SHISA6: variants seen among roughly 807,000 people sequenced by gnomAD.
The protein encoded by SHISA6 is protein shisa-6.
A neutral mutation model predicts 47.9 loss-of-function variants in SHISA6; 22 were observed. The observed-to-expected ratio is 0.46, with a 90% CI of 0.33 to 0.66. The LOEUF is 0.66. Among genes scored for constraint, SHISA6 ranks in the 30% least tolerant of loss-of-function variants. The pLI is 0.02. For synonymous variants in SHISA6, 388 were observed against 337.8 expected, an observed-to-expected ratio of 1.15 and a Z score of -1.63; for missense variants, 680 against 764.6, an observed-to-expected ratio of 0.89 and a Z score of 1.30.
chr17:11,423,247 A>ATG (rs1914502301), intron 3 of SHISA6, among the ~76,000 whole-genome samples: 18 of 146,926 alleles, frequency 1.2e-4, no homozygotes, highest in African/African-American at 4.2e-4. Context: ...GTGTATATAT[A>ATG]TATATATAAT....
chr17:11,268,060 G>A (rs1567555272), intron 2 of SHISA6, among the ~76,000 whole-genome samples: 1 of 152,118 alleles, frequency 6.6e-6, no homozygotes, highest in Non-Finnish European at 1.5e-5. Flanking sequence ...GGGCCTCTGG[G>A]GAGAGTGGGG....
chr17:11,334,874 G>C (rs1377872340), intron 2 of SHISA6, among the ~76,000 whole-genome samples: 1 of 152,196 alleles, frequency 6.6e-6, no homozygotes, highest in Non-Finnish European at 1.5e-5. Context: ...TCCCACTGGA[G>C]GGTGTGTTAT....
intron 2 of SHISA6, among the ~76,000 whole-genome samples, chr17:11,327,921 GTC>G (rs111745061): frequency 0.21 from 30,710 of 149,030 alleles, 3,357 homozygotes; most frequent in African/African-American, 0.31. Flanking sequence ...CTCTCTCTCT[GTC>G]TCTCTCTCTC....
rs1164153921 is a variant in SHISA6, at chr17:11,561,022, TC to T, written c.*2719del. ...ACATTTCAAAATCCAGAAAACTATG[TC>T]ATAGCTGGGACAGAGAGGTATCCCA... On this transcript the variant is annotated 3_prime_UTR_variant, in exon 6 of 6. Transcript: ENST00000441885. 1 of 152,168 alleles carries T rather than the reference TC, an allele frequency of 6.6e-6. No individual in the cohort carries two copies. The highest frequency in any genetic ancestry group is 1.5e-5 in the Non-Finnish European group (1 of 68,044). 9.4% of individuals were successfully genotyped at this position (152,168 alleles called of 1,614,324 possible).
intron 3 of SHISA6, among the ~76,000 whole-genome samples, chr17:11,418,194 T>C (rs1393129530): frequency 2.0e-5 from 3 of 152,158 alleles, no homozygotes; most frequent in Non-Finnish European, 4.4e-5. Context: ...ATTGTTATGA[T>C]GGAGAATTTT....
rs541509082 is a variant in SHISA6 at position 11,301,102 on chromosome 17, G to A, written c.799+37576G>A. ...CTCAGCTTCACTGTGGGCCTTCCAC[G>A]TCTAGCTGTCAGAGCCTCTCTGCCT... On this transcript the variant is annotated intron_variant, in intron 2 of 5. Coordinates refer to ENST00000441885, the MANE Select transcript of SHISA6 (RefSeq NM_207386.4). 2.0e-4 allele frequency among the ~76,000 whole-genome samples: 31 copies of A among 152,218 alleles called. No individual in the cohort carries two copies. The East Asian group carries it at 2.7e-3, about 13-fold the overall frequency.
chr17:11,370,533 G>A (rs902252252), intron 2 of SHISA6, among the ~76,000 whole-genome samples: 10 of 152,170 alleles, frequency 6.6e-5, no homozygotes, highest in African/African-American at 1.7e-4. Context: ...AAAGAGGTTC[G>A]CTTACGAACT....
At chr17:11,392,167 C>CA (rs1555532353) in intron 3 of SHISA6, among the ~76,000 whole-genome samples, 2 of 150,090 alleles carry the variant, frequency 1.3e-5, no homozygotes, top group African/African-American at 4.9e-5. Context: ...CCCAGTGAAT[C>CA]TTTTTTTTTT....
intron 3 of SHISA6, among the ~76,000 whole-genome samples, chr17:11,409,998 T>C (rs1443959781): frequency 6.6e-6 from 1 of 152,198 alleles, no homozygotes; most frequent in Admixed American, 6.5e-5. Flanking sequence ...GTAAGAGTCA[T>C]AGGCTCACAG....
chr17:11,258,128 A>G (rs910142717), intron 1 of SHISA6, among the ~76,000 whole-genome samples: 1 of 152,222 alleles, frequency 6.6e-6, no homozygotes, highest in African/African-American at 2.4e-5. Context: ...TTCACGGAAT[A>G]GTTCATCTAT....
At chr17:11,395,891 A>G (rs1467655010) in intron 3 of SHISA6, among the ~76,000 whole-genome samples, 1 of 152,190 alleles carries the variant, frequency 6.6e-6, no homozygotes, top group African/African-American at 2.4e-5. Flanking sequence ...AAAATGTTGA[A>G]TAGTAGAGAA....
At chr17:11,315,530 A>T (rs2142191017) in intron 2 of SHISA6, among the ~76,000 whole-genome samples, 1 of 152,312 alleles carries the variant, frequency 6.6e-6, no homozygotes, top group South Asian at 2.1e-4. Context: ...CACTTAGTTA[A>T]TCTTTACAGG....
intron 2 of SHISA6, among the ~76,000 whole-genome samples, chr17:11,310,323 A>G (rs1425056131): frequency 1.3e-5 from 2 of 152,208 alleles, no homozygotes; most frequent in Non-Finnish European, 2.9e-5. Flanking sequence ...TTGACAATCA[A>G]TAGACAACTA....
chr17:11,502,689 C>G (rs1453042847), intron 3 of SHISA6, among the ~76,000 whole-genome samples: 1 of 151,294 alleles, frequency 6.6e-6, no homozygotes, highest in Non-Finnish European at 1.5e-5. Context: ...ATCGTGCCAT[C>G]GCACTCCAGC....
chr17:11,378,464 A>G (rs1325396845), intron 2 of SHISA6, among the ~76,000 whole-genome samples: 1 of 152,148 alleles, frequency 6.6e-6, no homozygotes, highest in Non-Finnish European at 1.5e-5. Context: ...GCATTGTTAT[A>G]GTTATACATA....
chr17:11,469,043 A>G (rs868420212), intron 3 of SHISA6, among the ~76,000 whole-genome samples: 204 of 150,672 alleles, frequency 1.4e-3, no homozygotes, highest in African/African-American at 4.8e-3. Flanking sequence ...AAAAAAAAAA[A>G]AAAAGATAAG....
rs1915307792 is a variant in SHISA6, at chr17:11,448,855, C to A, written c.895+69346C>A. On this transcript the variant is annotated intron_variant, in intron 3 of 5. Transcript: ENST00000441885. ...TGAGCAAAAAATCATCTTGTCTCTT[C>A]AGCCCAGCTCTGTTTCCAAACGTCC... Among the ~76,000 whole-genome samples the A allele has an allele frequency of 2.0e-5, 3 of 152,204 alleles. No homozygotes were observed. In the South Asian group the frequency reaches 6.2e-4, roughly 32 times the overall value.
At chr17:11,501,906 G>A (rs2071456984) in intron 3 of SHISA6, among the ~76,000 whole-genome samples, 1 of 152,172 alleles carries the variant, frequency 6.6e-6, no homozygotes, top group African/African-American at 2.4e-5. Context: ...AGATGGTGGA[G>A]GTATTACTGT....
At chr17:11,313,679 C>A (rs1296906541) in intron 2 of SHISA6, among the ~76,000 whole-genome samples, 1 of 152,086 alleles carries the variant, frequency 6.6e-6, no homozygotes, top group Non-Finnish European at 1.5e-5. Flanking sequence ...GAGGAGTCAG[C>A]CAGGTCAACA....
Sources: gnomAD v4.1 joint callset for allele counts (sites outside exome capture counted in the v4.1 genomes callset) on GRCh38, gnomAD v4.1.1 for gene constraint, MANE v1.5 for transcripts, NCBI Gene and HGNC (gene_info 2026-07-23, HGNC 2026-07-21) for gene names.